POU2F2: variants seen among roughly 807,000 people sequenced by gnomAD.
The protein encoded by POU2F2 is POU domain, class 2, transcription factor 2.
Under a neutral mutation model 63.5 loss-of-function variants are expected in POU2F2, and 14 were observed. The observed-to-expected ratio is 0.22, with a 90% confidence interval of 0.15 to 0.34. The LOEUF is 0.34. Ranked by LOEUF, POU2F2 falls within the 10% of genes least tolerant of loss-of-function variation. The pLI is 1.00. For synonymous variants in POU2F2, 306 were observed against 348.6 expected, an observed-to-expected ratio of 0.88 and a Z score of 1.36; for missense variants, 607 against 815.2, an observed-to-expected ratio of 0.74 and a Z score of 3.11.
chr19:42,158,909 TGCAAC>T (rs2146783961), intron 2 of POU2F2, among the ~76,000 whole-genome samples: 2 of 125,678 alleles, frequency 1.6e-5, no homozygotes, highest in Non-Finnish European at 3.8e-5. Context: ...CTGGAAAAAC[TGCAAC>T]TTCGGTTCCC....
chr19:42,119,404 G>A (rs1262452527), intron 4 of POU2F2, among the ~76,000 whole-genome samples: 1 of 152,180 alleles, frequency 6.6e-6, no homozygotes, highest in Non-Finnish European at 1.5e-5. Flanking sequence ...GCTGAGCGCG[G>A]TGGCTCGCCC....
At chr19:42,104,655 A>T (rs1173665208) in intron 5 of POU2F2, among the ~76,000 whole-genome samples, 1 of 152,170 alleles carries the variant, frequency 6.6e-6, no homozygotes, top group African/African-American at 2.4e-5. Flanking sequence ...ACACACAAAA[A>T]AAGAGTATAT....
At position 42,095,574 on chromosome 19, in the gene POU2F2, G is replaced by A; in HGVS notation, c.991C>T (p.Arg331Cys). 1.2e-6 allele frequency: 2 copies of A among 1,609,260 alleles called. No homozygotes were observed. Among genetic ancestry groups the A allele is most frequent in the Non-Finnish European group, 1.7e-6 (2 of 1,177,774 alleles). The part of the protein sequence containing the change: ...KKRTSIETNV[R>C]FALEKSFLAN... Reference sequence around the variant, plus strand: ...AGAAAACTCTTCTCTAAGGCGAAGCGGACGTTTGTCTCGATGCTGGTCCTC... The same window carrying A: ...AGAAAACTCTTCTCTAAGGCGAAGCAGACGTTTGTCTCGATGCTGGTCCTC... Residue 331 changes from arginine to cysteine, a missense_variant, in exon 10 of 15, where the codon CGC (arginine) becomes TGC (cysteine). Physicochemically the swap from Arg to Cys is radical, Grantham distance 180. Coordinates refer to ENST00000692977, the MANE Select transcript of POU2F2 (RefSeq NM_001394376.1). The surrounding 1 kb of genome is among the most constrained non-coding windows in gnomAD (Gnocchi z 7.1).
At chr19:42,171,674 C>T (rs536139483) in intron 1 of POU2F2, among the ~76,000 whole-genome samples, 8 of 152,286 alleles carry the variant, frequency 5.3e-5, no homozygotes, top group East Asian at 1.9e-4. Flanking sequence ...GGCCTCACTG[C>T]GGCGGATTAA....
upstream of POU2F2, among the ~76,000 whole-genome samples, chr19:42,178,636 A>AGAGACT (rs2034924953): frequency 1.3e-5 from 2 of 152,218 alleles, no homozygotes; most frequent in African/African-American, 4.8e-5. Context: ...CAAAAGATAC[A>AGAGACT]GAGACTGAGA....
At position 42,153,571 on chromosome 19, in the gene POU2F2, G is replaced by A. The variant is rs768588955; in HGVS notation, c.-9+6761C>T. On this transcript the variant is annotated intron_variant, in intron 2 of 6. Coordinates refer to the POU2F2 transcript ENST00000524801. The surrounding 1 kb of genome is among the most constrained non-coding windows in gnomAD (Gnocchi z 5.6). ...TGTGCCTGTGCCTGTGGGCAGCTGC[G>A]TGTGCTTCAGGGATCTGCGCGGTGG... 2.6e-5 allele frequency among the ~76,000 whole-genome samples: 4 copies of A among 151,706 alleles called. No homozygotes were observed. Among genetic ancestry groups the A allele is most frequent in the Non-Finnish European group, 4.4e-5 (3 of 67,872 alleles).
At chr19:42,192,017 C>A (rs2035080126) in intron 1 of POU2F2, among the ~76,000 whole-genome samples, 1 of 152,180 alleles carries the variant, frequency 6.6e-6, no homozygotes, top group Admixed American at 6.5e-5. Context: ...AAGTGCCTGG[C>A]ATGTGGTATA....
At position 42,099,443 on chromosome 19, in the gene POU2F2, T is replaced by C. The variant is rs2077044211; in HGVS notation, c.567+84A>G. ...GCTGGGTCAAATGGAAAGGAGACTCTCACTCATCCCCCACCCCCGTTTACC... is the reference window on the plus strand; with the variant it reads ...GCTGGGTCAAATGGAAAGGAGACTCCCACTCATCCCCCACCCCCGTTTACC... On this transcript the variant is annotated intron_variant, in intron 7 of 14. Transcript: ENST00000692977. 3 of 1,229,458 alleles carry C rather than the reference T, an allele frequency of 2.4e-6. No homozygotes were observed. The Admixed American group carries it at 5.6e-5, about 23-fold the overall frequency. 76.2% of individuals were successfully genotyped at this position (1,229,458 alleles called of 1,614,324 possible). A position where few individuals can be genotyped will look rare whatever the true frequency, so the allele number is the denominator to read the frequency against.
chr19:42,094,833 A>C (rs1351641434), intron 11 of POU2F2, among the ~76,000 whole-genome samples: 1 of 152,226 alleles, frequency 6.6e-6, no homozygotes, highest in Non-Finnish European at 1.5e-5. Context: ...AGAAATGGAA[A>C]TAAAAGGATG....
At position 42,123,459 on chromosome 19, in the gene POU2F2, G is replaced by A. The variant is rs76810560; in HGVS notation, c.29-883C>T. 7.8e-3 allele frequency among the ~76,000 whole-genome samples: 1,182 copies of A among 152,286 alleles called. 16 individuals are homozygous for A. The highest frequency in any genetic ancestry group is 0.027 in the African/African-American group (1,132 of 41,530). On this transcript the variant is annotated intron_variant, in intron 1 of 14. Transcript: ENST00000692977. ...TCTGATACTTTTCACAGAAAGGCGA[G>A]TGCTCACCAGTGCCAAGCATAGAGC...
At chr19:42,171,618 A>C (rs1042575287) in intron 1 of POU2F2, among the ~76,000 whole-genome samples, 2 of 152,142 alleles carry the variant, frequency 1.3e-5, no homozygotes, top group African/African-American at 2.4e-5. Flanking sequence ...TGCCTCTCTC[A>C]GACTCCGTTG....
chr19:42,104,990 A>G (rs2077282284), intron 5 of POU2F2, among the ~76,000 whole-genome samples: 1 of 152,058 alleles, frequency 6.6e-6, no homozygotes, highest in Non-Finnish European at 1.5e-5. Flanking sequence ...CTGAAGTCCT[A>G]GCACTCTATC....
Position 42,087,749 on chromosome 19 carries a change from GC to G in POU2F2, c.*3507del, listed in dbSNP as rs2076593383. 1 of 151,918 alleles carries G rather than the reference GC, an allele frequency of 6.6e-6. No homozygotes were observed. Among genetic ancestry groups the G allele is most frequent in the African/African-American group, 2.4e-5 (1 of 41,296 alleles). 9.4% of individuals were successfully genotyped at this position (151,918 alleles called of 1,614,324 possible). ...CCCACTCATCTCTCCTCTCTTTCTA[GC>G]CCAGGCCCTTGGCCCCCAACCTCGG... On this transcript the variant is annotated 3_prime_UTR_variant, in exon 15 of 15. Coordinates refer to ENST00000692977, the MANE Select transcript of POU2F2 (RefSeq NM_001394376.1).
chr19:42,112,625 C>T (rs374899856), intron 5 of POU2F2, among the ~76,000 whole-genome samples: 2 of 152,276 alleles, frequency 1.3e-5, no homozygotes, highest in African/African-American at 4.8e-5. Context: ...CCACCTCGGC[C>T]TCCCAGAGTG....
At chr19:42,192,468 A>G (rs989261155) in intron 1 of POU2F2, among the ~76,000 whole-genome samples, 10 of 152,202 alleles carry the variant, frequency 6.6e-5, no homozygotes, top group African/African-American at 2.2e-4. Flanking sequence ...AGTACCTAGG[A>G]CAGGTGTTTA....
rs534483439 is a variant in POU2F2 at position 42,169,120 on chromosome 19, A to T, written c.-70+6843T>A. On this transcript the variant is annotated intron_variant, in intron 1 of 6. Coordinates refer to the POU2F2 transcript ENST00000524801. This position sits in a 1 kb window ranked among gnomAD's most constrained non-coding sequence, Gnocchi z 4.3. ...ATTCTATACACATTTTCACACTTGA[A>T]CATCTACCTATTTTGTTTTGCTTTA... is the stretch of plus-strand genomic sequence containing the variant. Among the ~76,000 whole-genome samples the T allele has an allele frequency of 1.5e-4, 23 of 152,064 alleles. No individual in the cohort carries two copies.
rs1195382715 is a variant in POU2F2, at chr19:42,156,806, T to G, written c.-9+3526A>C. The G allele has an allele frequency of 6.6e-6, 1 of 152,252 alleles. No individual in the cohort carries two copies. The highest frequency in any genetic ancestry group is 1.5e-5 in the Non-Finnish European group (1 of 68,078). 9.4% of individuals were successfully genotyped at this position (152,252 alleles called of 1,614,324 possible). A position where few individuals can be genotyped will look rare whatever the true frequency, so the allele number is the denominator to read the frequency against. On this transcript the variant is annotated intron_variant, in intron 2 of 6. Coordinates refer to the POU2F2 transcript ENST00000524801. The surrounding 1 kb of genome is among the most constrained non-coding windows in gnomAD (Gnocchi z 4.1). ...TCTTGGCCATGGGAGAATGTCCTCATGTGCGGCTAAACATCCTCCTCATGC... is the reference window on the plus strand; with the variant it reads ...TCTTGGCCATGGGAGAATGTCCTCAGGTGCGGCTAAACATCCTCCTCATGC...
At position 42,152,662 on chromosome 19, in the gene POU2F2, A is replaced by C. The variant is rs2034377173; in HGVS notation, c.-9+7670T>G. Reference sequence around the variant, plus strand: ...GCACCCCCCACCACTCCCCTACAGCAGGAGAGCTTAGGGAGGCTGAGAGCT... The same window carrying C: ...GCACCCCCCACCACTCCCCTACAGCCGGAGAGCTTAGGGAGGCTGAGAGCT... On this transcript the variant is annotated intron_variant, in intron 2 of 6. Coordinates refer to the POU2F2 transcript ENST00000524801. This position sits in a 1 kb window ranked among gnomAD's most constrained non-coding sequence, Gnocchi z 4.1. The C allele has an allele frequency of 2.0e-5, 3 of 152,406 alleles. No homozygotes were observed. Among genetic ancestry groups the C allele is most frequent in the Non-Finnish European group, 1.5e-5 (1 of 68,260 alleles). The allele number at this position is 152,406 out of a possible 1,614,324, so 9.4% of individuals were successfully genotyped here.
At chr19:42,188,968 T>A (rs922420204) in intron 1 of POU2F2, among the ~76,000 whole-genome samples, 2 of 117,886 alleles carry the variant, frequency 1.7e-5, no homozygotes, top group Non-Finnish European at 3.9e-5. Context: ...TTGGGTTGAT[T>A]TAATATACAG....
Sources: gnomAD v4.1 joint callset for allele counts (sites outside exome capture counted in the v4.1 genomes callset) on GRCh38, gnomAD v4.1.1 for gene constraint, Gnocchi (gnomAD v3.1) non-coding constraint, MANE v1.5 for transcripts, NCBI Gene and HGNC (gene_info 2026-07-23, HGNC 2026-07-21) for gene names.